TRIM51: variants seen among roughly 807,000 people sequenced by gnomAD.
TRIM51 encodes tripartite motif-containing protein 51.
TRIM51 carries 23 observed loss-of-function variants against 32.7 expected under a neutral mutation model. That is an observed-to-expected ratio of 0.70 (90% confidence interval 0.51 to 1.00). The LOEUF (loss-of-function observed/expected upper bound fraction) is 1.00, where lower values mean the gene tolerates loss of function less well. TRIM51 is among the 50% of genes least tolerant of loss of function. The probability of loss-of-function intolerance (pLI) is 0.00; values close to 1 mark genes in which losing one functional copy is unlikely to be tolerated. For synonymous variants in TRIM51, 177 were observed against 181.9 expected, an observed-to-expected ratio of 0.97 and a Z score of 0.22; for missense variants, 592 against 539.2, an observed-to-expected ratio of 1.10 and a Z score of -0.97.
chr11:55,885,653 C>T lies in TRIM51; in HGVS notation c.225C>T (p.Phe75=). ...ACATTTGTTTGAAGAACATGGCTTT[C>T]ATTGCCAGAAAAGCCAGCCTCCGGC... ...NTDICLKNMA[F]IARKASLRQF... is the part of the protein sequence containing the mutation. Residue 75 remains phenylalanine, a synonymous_variant, in exon 2 of 7, where the codon TTC becomes TTT. Transcript: ENST00000449290. 1.2e-6 allele frequency: 2 copies of T among 1,610,708 alleles called. No homozygotes were observed. Among genetic ancestry groups the T allele is most frequent in the Non-Finnish European group, 1.7e-6 (2 of 1,179,168 alleles).
chr11:55,884,157 C>CTGTATATATATATATA (rs1554987842), intron 1 of TRIM51, among the ~76,000 whole-genome samples: 1 of 61,546 alleles, frequency 1.6e-5, no homozygotes, highest in Non-Finnish European at 3.3e-5. Context: ...ATAACTATAA[C>CTGTATATATATATATA]TATATATATA....
At chr11:55,885,919 A>C (rs976795783) in intron 2 of TRIM51, 80 bp downstream of exon 2, 3 of 1,601,340 alleles carry the variant, frequency 1.9e-6, no homozygotes, top group Non-Finnish European at 2.6e-6. Context: ...AGATTGGATG[A>C]TGCCATCTCT....
intron 3 of TRIM51, among the ~76,000 whole-genome samples, 196 bp downstream of exon 3, chr11:55,886,414 A>ATGTT (rs1423508159): frequency 1.3e-5 from 2 of 152,216 alleles, no homozygotes; most frequent in Non-Finnish European, 2.9e-5. Flanking sequence ...CAGACCACAG[A>ATGTT]TGTTACCCAA....
At chr11:55,886,026 G>T (rs1854573193) in intron 2 of TRIM51, 97 bp from the exon 3 acceptor site, 6 of 1,482,642 alleles carry the variant, frequency 4.0e-6, no homozygotes, top group Non-Finnish European at 5.5e-6. Flanking sequence ...TCTTTTCTGT[G>T]GGTTAATTTG....
rs1341040530 is a variant in TRIM51, at chr11:55,885,600, A to G, written c.172A>G (p.Thr58Ala). Residue 58 changes from threonine to alanine, a missense_variant, in exon 2 of 7, where the codon ACA becomes GCA. Coordinates refer to ENST00000449290, the MANE Select transcript of TRIM51 (RefSeq NM_032681.4). The stretch of plus-strand genomic sequence containing the variant: ...TGCTCAGTGCTCTGAATGCAAGAAG[A>G]CAACGCGGCAGAGAAACCTCAACAC... ...VLAQCSECKK[T>A]TRQRNLNTDI... 6.2e-7 allele frequency: 1 copy of G among 1,611,452 alleles called. No individual in the cohort carries two copies. Among genetic ancestry groups the G allele is most frequent in the Non-Finnish European group, 8.5e-7 (1 of 1,179,596 alleles).
intron 1 of TRIM51, among the ~76,000 whole-genome samples, chr11:55,883,753 A>C (rs2134530769): frequency 1.3e-5 from 2 of 152,262 alleles, no homozygotes; most frequent in South Asian, 2.1e-4. Flanking sequence ...TGCTTTCATA[A>C]CCTTAAGCTT....
Position 55,891,193 on chromosome 11 carries a change from G to A in TRIM51, c.920G>A (p.Arg307Lys). ...NSHIFLCGDLRSMNVGCDPQD... is the reference protein window; with the variant it reads ...NSHIFLCGDLKSMNVGCDPQD... ...CATATCTTCCTGTGTGGAGATTTGA[G>A]AAGCATGAATGTTGGATGTGACCCT... Residue 307 changes from arginine (R) to lysine (K), a missense_variant, in exon 7 of 7, where the codon AGA (arginine) becomes AAA (lysine). Coordinates refer to ENST00000449290, the MANE Select transcript of TRIM51 (RefSeq NM_032681.4). 2 of 1,603,032 alleles carry A rather than the reference G, an allele frequency of 1.2e-6. No individual in the cohort carries two copies. The highest frequency in any genetic ancestry group is 1.7e-6 in the Non-Finnish European group (2 of 1,179,632).
At chr11:55,885,989 A>G in intron 2 of TRIM51, 134 bp from the exon 3 acceptor site, 1 of 1,484,234 alleles carries the variant, frequency 6.7e-7, no homozygotes, top group East Asian at 2.4e-5. Flanking sequence ...CAGATTTGAC[A>G]AACATGAGGA....
chr11:55,889,668 G>T (rs951991252), intron 5 of TRIM51, among the ~76,000 whole-genome samples: 1 of 152,104 alleles, frequency 6.6e-6, no homozygotes, highest in African/African-American at 2.4e-5. Context: ...TTTCATTTTT[G>T]ATTATTCTCC....
rs61897550 is a variant in TRIM51 at position 55,891,274 on chromosome 11, A to C, written c.1001A>C (p.Gln334Pro). Residue 334 changes from glutamine to proline, a missense_variant, in exon 7 of 7, where the codon CAG (glutamine) becomes CCG (proline). Physicochemically the swap from Gln to Pro is moderately conservative, Grantham distance 76 (BLOSUM62 -1). Coordinates refer to ENST00000449290, the MANE Select transcript of TRIM51 (RefSeq NM_032681.4). ...KSECFLVWGAQAFTSGKYYWE... is the reference protein window; with the variant it reads ...KSECFLVWGAPAFTSGKYYWE... ...GAATGTTTTCTTGTATGGGGGGCTCAGGCTTTCACATCTGGCAAATATTAT... is the reference window on the plus strand; with the variant it reads ...GAATGTTTTCTTGTATGGGGGGCTCCGGCTTTCACATCTGGCAAATATTAT... The C allele has an allele frequency of 0.072, 116,015 of 1,609,496 alleles. 4,823 individuals are homozygous for C. Among genetic ancestry groups the C allele is most frequent in the Non-Finnish European group, 0.082 (96,765 of 1,179,456 alleles).
In TRIM51 at chr11:55,891,673, C is replaced by A. The variant is rs757278777; in HGVS notation, c.*41C>A. 5 of 1,605,442 alleles carry A rather than the reference C, an allele frequency of 3.1e-6. No individual in the cohort carries two copies. The highest frequency in any genetic ancestry group is 2.5e-6 in the Non-Finnish European group (3 of 1,176,962). On this transcript the variant is annotated 3_prime_UTR_variant, in exon 7 of 7. Transcript: ENST00000449290. ...AAATGTGCCTGTATGCTCTGGGAAC[C>A]TGTTTATCCCAGAAAGCCCTCTTTT...
rs1398622539 is a variant in TRIM51, at chr11:55,890,026, C to T, written c.846C>T (p.Leu282=). 9.3e-6 allele frequency: 15 copies of T among 1,612,756 alleles called. No individual in the cohort carries two copies. Among genetic ancestry groups the T allele is most frequent in the Non-Finnish European group, 1.3e-5 (15 of 1,179,024 alleles). Residue 282 remains leucine, a synonymous_variant, in exon 6 of 7, where the codon CTC becomes CTT. Coordinates refer to ENST00000449290, the MANE Select transcript of TRIM51 (RefSeq NM_032681.4). ...CCATCACTGGACTGCTGGACAGCCT[C>T]AGTGGATTCAGAGGTGAGTGTCAGC... ...AGPITGLLDS[L]SGFRVDFTLQ...
chr11:55,891,073 C>G, intron 6 of TRIM51, 60 bp from the exon 7 acceptor site: 1 of 1,366,116 alleles, frequency 7.3e-7, no homozygotes, highest in South Asian at 1.4e-5. Flanking sequence ...ACATTTCCCT[C>G]AAGAATTCTA....
chr11:55,890,330 A>T (rs1337713017), intron 6 of TRIM51, among the ~76,000 whole-genome samples: 4 of 152,226 alleles, frequency 2.6e-5, no homozygotes, highest in Admixed American at 1.3e-4. Context: ...AATGCTCAGA[A>T]GGAAGCATAA....
At chr11:55,883,744 G>T (rs150398229) in intron 1 of TRIM51, among the ~76,000 whole-genome samples, 8,537 of 152,078 alleles carry the variant, frequency 0.056, 356 homozygotes, top group Non-Finnish European at 0.083. Context: ...TAAATGTTGT[G>T]CTTTCATAAC....
Position 55,891,495 on chromosome 11 carries a change from A to C in TRIM51, c.1222A>C (p.Thr408Pro). The C allele has an allele frequency of 6.2e-7, 1 of 1,613,548 alleles. No individual in the cohort carries two copies. The highest frequency in any genetic ancestry group is 8.5e-7 in the Non-Finnish European group (1 of 1,179,744). The change falls in exon 7 of 7, where the codon ACA (threonine) becomes CCA (proline). Residue 408 changes from threonine to proline, a missense_variant. Physicochemically the swap from Thr to Pro is conservative, Grantham distance 38. Coordinates refer to ENST00000449290, the MANE Select transcript of TRIM51 (RefSeq NM_032681.4). ...VVQYVPRPTS[T>P]VGLFLDCEGR... Reference sequence around the variant, plus strand: ...GCAATATGTTCCAAGACCTACCAGCACAGTAGGATTATTCCTGGATTGTGA... The same window carrying C: ...GCAATATGTTCCAAGACCTACCAGCCCAGTAGGATTATTCCTGGATTGTGA...
At position 55,891,123 on chromosome 11, in the gene TRIM51, A is replaced by AT. The variant is rs1854642326; in HGVS notation, c.860-5dup. ...CATGTATCTATATTTTTTAAAAATT[A>AT]TTTTTGCAGTTGATTTTACTCTGCA... On this transcript the variant is annotated splice_polypyrimidine_tract_variant and intron_variant, in intron 6 of 6. Transcript: ENST00000449290. The AT allele has an allele frequency of 6.3e-7, 1 of 1,585,766 alleles. No individual in the cohort carries two copies. The highest frequency in any genetic ancestry group is 1.4e-5 in the African/African-American group (1 of 74,014).
At position 55,888,281 on chromosome 11, in the gene TRIM51, G is replaced by A. The variant is rs765830787; in HGVS notation, c.738+19G>A. 3.2e-6 allele frequency: 5 copies of A among 1,573,050 alleles called. No individual in the cohort carries two copies. In the South Asian group the frequency reaches 4.4e-5, roughly 14 times the overall value. On this transcript the variant is annotated intron_variant, in intron 4 of 6. Transcript: ENST00000449290. The stretch of plus-strand genomic sequence containing the variant: ...ACTCCAGGTATGGACTGACCATGGG[G>A]TATCATGATGTTGAACATTCACATA...
At chr11:55,888,561 A>T (rs1420245325) in intron 4 of TRIM51, among the ~76,000 whole-genome samples, 1 of 152,220 alleles carries the variant, frequency 6.6e-6, no homozygotes, top group Non-Finnish European at 1.5e-5. Flanking sequence ...TGAAAGTGGA[A>T]AAAATGAGAA....
Sources: allele counts gnomAD v4.1 joint callset (sites outside exome capture counted in the v4.1 genomes callset), GRCh38; gene constraint gnomAD v4.1.1; transcripts MANE v1.5; gene names NCBI Gene and HGNC (gene_info 2026-07-23, HGNC 2026-07-21).